Variants in ADAMTS19 observed in about 807,000 individuals in gnomAD.
ADAMTS19 encodes the protein ADAM metallopeptidase with thrombospondin type 1 motif 19, also known as A disintegrin and metalloproteinase with thrombospondin motifs 19.
Under a neutral mutation model 153.3 loss-of-function variants are expected in ADAMTS19, and 93 were observed. The observed-to-expected ratio is 0.61, with a 90% CI of 0.51 to 0.72. ADAMTS19 has a LOEUF of 0.72. ADAMTS19 is among the 30% of genes least tolerant of loss of function. ADAMTS19 has a pLI of 0.00. For synonymous variants in ADAMTS19, 600 were observed against 556.6 expected (o/e 1.08, Z -1.10); for missense variants, 1,482 against 1,552.1 (o/e 0.95, Z 0.76).
chr5:129,720,373 G>A (rs1040255364), intron 21 of ADAMTS19, among the ~76,000 whole-genome samples: 10 of 151,726 alleles, frequency 6.6e-5, no homozygotes, highest in African/African-American at 2.2e-4. Flanking sequence ...GTTTCACCAC[G>A]TTGGCCAGTC....
intron 6 of ADAMTS19, among the ~76,000 whole-genome samples, chr5:129,533,280 A>G (rs1211367025): frequency 6.6e-6 from 1 of 152,152 alleles, no homozygotes; most frequent in Admixed American, 6.6e-5. Flanking sequence ...TGCTGGAAAT[A>G]TTGCATATAT....
In ADAMTS19 at chr5:129,647,795, A is replaced by T. The variant is rs781643062; in HGVS notation, c.1903A>T (p.Thr635Ser). The T allele has an allele frequency of 1.2e-6, 2 of 1,614,060 alleles. No homozygotes were observed. Among genetic ancestry groups the T allele is most frequent in the Non-Finnish European group, 1.7e-6 (2 of 1,179,958 alleles). The change falls in exon 12 of 23, where the codon ACC (threonine) becomes TCC (serine). Residue 635 changes from threonine to serine, a missense_variant. Around this residue, in one of 2 missense-constraint regions of ADAMTS19, gnomAD observed 616 missense variants for 724.4 expected, o/e 0.85. Coordinates refer to ENST00000274487, the MANE Select transcript of ADAMTS19 (RefSeq NM_133638.6). The part of the protein sequence containing the change: ...WCKAGECTSR[T>S]SAPEHLAGEW... ...TAAGGCTGGAGAATGTACCAGCAGG[A>T]CCTCAGCACCTGAACATCTGGCCGG... is the stretch of plus-strand genomic sequence containing the variant.
intron 21 of ADAMTS19, among the ~76,000 whole-genome samples, chr5:129,707,360 T>C (rs1469367104): frequency 6.6e-6 from 1 of 152,210 alleles, no homozygotes; most frequent in Non-Finnish European, 1.5e-5. Context: ...GTGCTTCTGT[T>C]TGTCTACTTT....
intron 14 of ADAMTS19, among the ~76,000 whole-genome samples, chr5:129,656,229 A>G (rs1433139667): frequency 1.3e-5 from 2 of 152,204 alleles, no homozygotes; most frequent in Non-Finnish European, 2.9e-5. Context: ...TTAAATTAGA[A>G]TTATTTGAAA....
At chr5:129,462,699 C>T (rs1177414685) in intron 2 of ADAMTS19, among the ~76,000 whole-genome samples, 1 of 152,060 alleles carries the variant, frequency 6.6e-6, no homozygotes, top group Non-Finnish European at 1.5e-5. Flanking sequence ...AGTACATTCA[C>T]GTTGTTGTGC....
rs948792258 is a variant in ADAMTS19, at chr5:129,528,447, A to ATTG, written c.1171-55_1171-53dup. 40 of 1,192,618 alleles carry ATTG rather than the reference A, an allele frequency of 3.4e-5. No homozygotes were observed. The East Asian group carries it at 3.7e-4, about 11-fold the overall frequency. 73.9% of individuals were successfully genotyped at this position (1,192,618 alleles called of 1,614,324 possible). A position where few individuals can be genotyped will look rare whatever the true frequency, so the allele number is the denominator to read the frequency against. On this transcript the variant is annotated intron_variant, in intron 5 of 22. Coordinates refer to ENST00000274487, the MANE Select transcript of ADAMTS19 (RefSeq NM_133638.6). ...TTAGTAATTCAAGAGTGCCTTTGTT[A>ATTG]TTGTTGTTGTTGTTGTTGTTTTGTA...
intron 8 of ADAMTS19, among the ~76,000 whole-genome samples, chr5:129,612,279 C>T (rs929782349): frequency 1.1e-4 from 17 of 151,732 alleles, no homozygotes; most frequent in Admixed American, 6.6e-4. Flanking sequence ...CCAGTTTCAT[C>T]CATGTCCCTA....
In ADAMTS19 at chr5:129,653,992, G is replaced by T. The variant is rs115181085; in HGVS notation, c.2177-314G>T. Among the ~76,000 whole-genome samples the T allele has an allele frequency of 6.6e-3, 1,002 of 152,122 alleles. 15 individuals carry two copies. The highest frequency in any genetic ancestry group is 0.023 in the African/African-American group (958 of 41,512). On this transcript the variant is annotated intron_variant, in intron 13 of 22. Coordinates refer to ENST00000274487, the MANE Select transcript of ADAMTS19 (RefSeq NM_133638.6). ...CAAAAAAAATATGAGCATAAAATTG[G>T]GGTGTGCCAATATTATTCAGGGAGG...
intron 10 of ADAMTS19, among the ~76,000 whole-genome samples, chr5:129,627,936 C>A (rs919138305): frequency 1.3e-5 from 2 of 151,864 alleles, no homozygotes; most frequent in Non-Finnish European, 2.9e-5. Context: ...TTCAACCCAG[C>A]AATCCCATTA....
At chr5:129,609,875 T>A (rs1053318353) in intron 8 of ADAMTS19, among the ~76,000 whole-genome samples, 1 of 152,130 alleles carries the variant, frequency 6.6e-6, no homozygotes, top group Admixed American at 6.6e-5. Context: ...CTGGAGTAGA[T>A]CATCTATTAA....
At chr5:129,703,502 G>T (rs762517298) in intron 20 of ADAMTS19, among the ~76,000 whole-genome samples, 23 of 152,274 alleles carry the variant, frequency 1.5e-4, no homozygotes, top group Non-Finnish European at 1.3e-4. Flanking sequence ...GGAGGCCAAG[G>T]TGGGTGGACC....
intron 2 of ADAMTS19, among the ~76,000 whole-genome samples, chr5:129,501,745 G>T (rs1334713442): frequency 6.6e-6 from 1 of 151,692 alleles, no homozygotes; most frequent in East Asian, 1.9e-4. Flanking sequence ...TGTGTCCAAG[G>T]CTTTATTTAT....
At chr5:129,552,039 C>A in intron 7 of ADAMTS19, 132 bp downstream of exon 7, 1 of 556,032 alleles carries the variant, frequency 1.8e-6, no homozygotes, top group Non-Finnish European at 3.1e-6. Flanking sequence ...ATATTTTCTA[C>A]CTATATGTTT....
At chr5:129,691,074 T>C (rs1241359291) in intron 18 of ADAMTS19, among the ~76,000 whole-genome samples, 1 of 152,148 alleles carries the variant, frequency 6.6e-6, no homozygotes, top group Admixed American at 6.5e-5. Context: ...TTTTATGGGT[T>C]AAATACAGAG....
Position 129,622,825 on chromosome 5 carries a change from T to A in ADAMTS19, c.1770+477T>A, listed in dbSNP as rs1751841961. Among the ~76,000 whole-genome samples, 5 of 152,198 alleles carry A rather than the reference T, an allele frequency of 3.3e-5. No homozygotes were observed. In the South Asian group the frequency reaches 1.0e-3, roughly 31 times the overall value. On this transcript the variant is annotated intron_variant, in intron 10 of 22. Coordinates refer to ENST00000274487, the MANE Select transcript of ADAMTS19 (RefSeq NM_133638.6). ...TCATCCCTAGATTACTTACAGAACT[T>A]GATACATTGTAAATGCTATGTAATT...
At chr5:129,472,299 C>G (rs2126653348) in intron 2 of ADAMTS19, among the ~76,000 whole-genome samples, 1 of 152,330 alleles carries the variant, frequency 6.6e-6, no homozygotes, top group Non-Finnish European at 1.5e-5. Flanking sequence ...AGGGCAGCCA[C>G]TCCAGTGGCT....
intron 21 of ADAMTS19, among the ~76,000 whole-genome samples, chr5:129,729,582 T>C (rs1419121678): frequency 6.6e-6 from 1 of 152,020 alleles, no homozygotes; most frequent in East Asian, 1.9e-4. Context: ...ACTGTTTTAG[T>C]TTAATGAATT....
Position 129,654,319 on chromosome 5 carries a change from C to T in ADAMTS19, c.2190C>T (p.Ala730=), listed in dbSNP as rs1312686115. The change falls in exon 14 of 23, where the codon GCC becomes GCT. Residue 730 remains alanine (A), a synonymous_variant. Transcript: ENST00000274487. ...CTCTGTATGTAGAAAAACCATGTGC[C>T]TTGTTTTGCTCTCCTGTTGGAAAAG... ...QAVLDEEKPC[A]LFCSPVGKEQ... 1 of 1,609,402 alleles carries T rather than the reference C, an allele frequency of 6.2e-7. No homozygotes were observed. The highest frequency in any genetic ancestry group is 1.3e-5 in the African/African-American group (1 of 74,514).
intron 2 of ADAMTS19, among the ~76,000 whole-genome samples, chr5:129,503,148 TAGTAAA>T (rs1561541613): frequency 6.6e-6 from 1 of 152,162 alleles, no homozygotes; most frequent in African/African-American, 2.4e-5. Flanking sequence ...GAAGTTTGAG[TAGTAAA>T]AGTAAAACTG....
Sources: gnomAD v4.1 joint callset for allele counts (sites outside exome capture counted in the v4.1 genomes callset) on GRCh38, gnomAD v4.1.1 for gene constraint, gnomAD v4.1.1 regional missense constraint, MANE v1.5 for transcripts, NCBI Gene and HGNC (gene_info 2026-07-23, HGNC 2026-07-21) for gene names.